Variants in SLC35F3 observed in about 807,000 individuals in gnomAD.
SLC35F3 encodes solute carrier family 35 member F3.
In SLC35F3, 25 loss-of-function variants were observed where a neutral mutation model predicts 49.9. The observed-to-expected ratio is 0.50, with a 90% CI of 0.37 to 0.70. SLC35F3 has a LOEUF of 0.70. Ranked by LOEUF, SLC35F3 falls within the 30% of genes least tolerant of loss-of-function variation. SLC35F3 has a pLI of 0.00. For missense variants in SLC35F3, 525 were observed against 639.8 expected, an observed-to-expected ratio of 0.82 and a Z score of 1.94; for synonymous variants, 275 against 265.4, an observed-to-expected ratio of 1.04 and a Z score of -0.35.
intron 3 of SLC35F3, among the ~76,000 whole-genome samples, chr1:234,295,731 T>C (rs1668582258): frequency 6.6e-6 from 1 of 152,184 alleles, no homozygotes. Flanking sequence ...TTTCTACCAC[T>C]GCAAAGCCCT....
intron 2 of SLC35F3, among the ~76,000 whole-genome samples, chr1:234,054,809 A>C (rs1371919114): frequency 1.3e-5 from 2 of 152,176 alleles, no homozygotes; most frequent in African/African-American, 4.8e-5. Flanking sequence ...ATGGTGACGT[A>C]CAGATGGGGT....
intron 3 of SLC35F3, among the ~76,000 whole-genome samples, chr1:234,268,029 C>G (rs956860680): frequency 2.0e-5 from 3 of 151,572 alleles, no homozygotes; most frequent in African/African-American, 7.3e-5. Context: ...CAAGCAGAGA[C>G]GCTCCTCACT....
At chr1:233,995,285 G>A (rs1204854716) in intron 2 of SLC35F3, among the ~76,000 whole-genome samples, 2 of 152,182 alleles carry the variant, frequency 1.3e-5, no homozygotes, top group Non-Finnish European at 2.9e-5. Flanking sequence ...GGTTCATGGA[G>A]TGGGGATTTG....
chr1:233,968,400 G>A (rs1169867381), intron 2 of SLC35F3, among the ~76,000 whole-genome samples: 1 of 151,954 alleles, frequency 6.6e-6, no homozygotes, highest in Admixed American at 6.6e-5. Flanking sequence ...GTGCAAGTTT[G>A]TTACATGGGT....
At chr1:234,172,932 C>T (rs1666420389) in intron 2 of SLC35F3, among the ~76,000 whole-genome samples, 1 of 152,126 alleles carries the variant, frequency 6.6e-6, no homozygotes, top group Admixed American at 6.5e-5. Context: ...GCAGAGAGGC[C>T]CCATGTGTCC....
chr1:234,220,180 T>TCATCAGTC (rs1667182045), intron 2 of SLC35F3, among the ~76,000 whole-genome samples: 1 of 148,458 alleles, frequency 6.7e-6, no homozygotes, highest in Non-Finnish European at 1.5e-5. Flanking sequence ...GAAATCTCTT[T>TCATCAGTC]CATCAGTCGC....
intron 2 of SLC35F3, among the ~76,000 whole-genome samples, chr1:234,146,521 C>T (rs534526728): frequency 1.2e-5 from 1 of 80,038 alleles, no homozygotes; most frequent in East Asian, 2.6e-3. Flanking sequence ...GACGGAGTTT[C>T]GCTCTTGTTG....
chr1:233,982,606 T>C (rs1663203917), intron 2 of SLC35F3, among the ~76,000 whole-genome samples: 1 of 152,186 alleles, frequency 6.6e-6, no homozygotes, highest in African/African-American at 2.4e-5. Flanking sequence ...ACTCCTGACC[T>C]CAGGTGATCC....
At chr1:234,251,428 A>G (rs1441234585) in intron 3 of SLC35F3, among the ~76,000 whole-genome samples, 4 of 150,046 alleles carry the variant, frequency 2.7e-5, no homozygotes, top group Admixed American at 6.7e-5. Context: ...TAGAAACTAT[A>G]TATATAGAAG....
chr1:234,320,022 G>A lies in SLC35F3; in HGVS notation c.1148-76G>A, dbSNP rs1572151902. 2 of 993,844 alleles carry A rather than the reference G, an allele frequency of 2.0e-6. No individual in the cohort carries two copies. Among genetic ancestry groups the A allele is most frequent in the East Asian group, 4.8e-5 (2 of 41,728 alleles). 61.6% of individuals were successfully genotyped at this position (993,844 alleles called of 1,614,324 possible). A position where few individuals can be genotyped will look rare whatever the true frequency, so the allele number is the denominator to read the frequency against. ...ACTCCAGCCTCATCAGGAAAACCTG[G>A]GTCAGATAGGCCAGCAGGGAGGTAA... On this transcript the variant is annotated intron_variant, in intron 6 of 7. Coordinates refer to ENST00000366618, the MANE Select transcript of SLC35F3 (RefSeq NM_173508.4). The surrounding 1 kb of genome is among the most constrained non-coding windows in gnomAD (Gnocchi z 4.8).
chr1:234,000,442 A>G (rs60193251), intron 2 of SLC35F3, among the ~76,000 whole-genome samples: 8,569 of 152,274 alleles, frequency 0.056, 589 homozygotes, highest in African/African-American at 0.16. Flanking sequence ...GAAATCAACA[A>G]TGTATGTATT....
At chr1:234,235,389 A>G (rs1023863119) in intron 3 of SLC35F3, among the ~76,000 whole-genome samples, 5 of 152,242 alleles carry the variant, frequency 3.3e-5, no homozygotes, top group African/African-American at 1.2e-4. Context: ...TGGGAACCAC[A>G]GTTTCCTGGA....
At chr1:234,163,218 G>A (rs997784879) in intron 2 of SLC35F3, among the ~76,000 whole-genome samples, 7 of 152,116 alleles carry the variant, frequency 4.6e-5, no homozygotes, top group East Asian at 1.9e-4. Context: ...TGGTATTTCC[G>A]CAAGGTACAT....
intron 4 of SLC35F3, among the ~76,000 whole-genome samples, chr1:234,311,675 T>A (rs1046916976): frequency 6.6e-6 from 1 of 152,218 alleles, no homozygotes; most frequent in Admixed American, 6.5e-5. Flanking sequence ...ACGTATGGTA[T>A]GAGAGGGTGA....
rs75159413 is a variant in SLC35F3, at chr1:234,149,403, G to C, written c.284-82014G>C. 7.3e-3 allele frequency among the ~76,000 whole-genome samples: 1,111 copies of C among 152,348 alleles called. 20 individuals carry two copies. Among genetic ancestry groups the C allele is most frequent in the African/African-American group, 0.024 (1,001 of 41,580 alleles). On this transcript the variant is annotated intron_variant, in intron 2 of 7. Transcript: ENST00000366618. Reference sequence around the variant, plus strand: ...TTTAGTTATTGTGAGTCACTAAAGAGTTAGTAATGGTTTTAGAGCATGGTG... The same window carrying C: ...TTTAGTTATTGTGAGTCACTAAAGACTTAGTAATGGTTTTAGAGCATGGTG...
chr1:234,219,726 A>G (rs542223900), intron 2 of SLC35F3, among the ~76,000 whole-genome samples: 3 of 151,988 alleles, frequency 2.0e-5, no homozygotes, highest in Non-Finnish European at 2.9e-5. Flanking sequence ...CTGACAGGAT[A>G]CTCTTTCCTG....
chr1:234,183,428 T>G (rs10910373), intron 2 of SLC35F3, among the ~76,000 whole-genome samples: 12,429 of 143,192 alleles, frequency 0.087, 1,875 homozygotes, highest in African/African-American at 0.26. Context: ...TGCATATGGT[T>G]GTTTTTTACG....
At chr1:234,169,505 G>T (rs1472192807) in intron 2 of SLC35F3, among the ~76,000 whole-genome samples, 2 of 152,188 alleles carry the variant, frequency 1.3e-5, no homozygotes, top group Non-Finnish European at 2.9e-5. Context: ...GAGGGGCACT[G>T]GCCTCTGCCT....
At position 234,046,028 on chromosome 1, in the gene SLC35F3, C is replaced by T; in HGVS notation, c.283+140270C>T. ...AGCTGAATAATATGCTATGTTTATC[C>T]TTTACCTGTTGATGGACATTTAGTT... On this transcript the variant is annotated intron_variant, in intron 2 of 7. Transcript: ENST00000366618. The surrounding 1 kb of genome is among the most constrained non-coding windows in gnomAD (Gnocchi z 4.4). Among the ~76,000 whole-genome samples, 1 of 152,032 alleles carries T rather than the reference C, an allele frequency of 6.6e-6. No homozygotes were observed. The highest frequency in any genetic ancestry group is 1.9e-4 in the East Asian group (1 of 5,194).
Sources: allele counts gnomAD v4.1 joint callset (sites outside exome capture counted in the v4.1 genomes callset), GRCh38; gene constraint gnomAD v4.1.1; non-coding constraint Gnocchi (gnomAD v3.1); transcripts MANE v1.5; gene names NCBI Gene and HGNC (gene_info 2026-07-23, HGNC 2026-07-21).